FNDC3A: variants seen among roughly 807,000 people sequenced by gnomAD.
The protein encoded by FNDC3A is fibronectin type-III domain-containing protein 3A.
In FNDC3A, 32 loss-of-function variants were observed where a neutral mutation model predicts 148.9. The observed-to-expected ratio is 0.21, with a 90% confidence interval of 0.16 to 0.29. The LOEUF (loss-of-function observed/expected upper bound fraction) is 0.29, where lower values mean the gene tolerates loss of function less well. Ranked by LOEUF, FNDC3A falls within the 10% of genes least tolerant of loss-of-function variation. The pLI, the probability that FNDC3A is intolerant of heterozygous loss-of-function variation, is 1.00. For missense variants in FNDC3A, 1,191 were observed against 1,452.8 expected (o/e 0.82, Z 2.93); for synonymous variants, 472 against 473.6 (o/e 1.00, Z 0.04).
chr13:49,135,576 C>T (rs577055140), intron 5 of FNDC3A, among the ~76,000 whole-genome samples: 2 of 152,088 alleles, frequency 1.3e-5, no homozygotes, highest in Non-Finnish European at 2.9e-5. Context: ...CCTTATAATA[C>T]TCATTTCAAA....
At chr13:49,068,099 C>T (rs1473463862) in intron 2 of FNDC3A, among the ~76,000 whole-genome samples, 6 of 151,680 alleles carry the variant, frequency 4.0e-5, no homozygotes, top group Admixed American at 1.3e-4. Flanking sequence ...TTTGGGAGGC[C>T]GAGCTGGGCG....
intron 1 of FNDC3A, among the ~76,000 whole-genome samples, chr13:48,995,028 A>G (rs1951998479): frequency 6.6e-6 from 1 of 152,184 alleles, no homozygotes; most frequent in African/African-American, 2.4e-5. Flanking sequence ...GAATGAAATC[A>G]TCACTTATTG....
intron 8 of FNDC3A, among the ~76,000 whole-genome samples, chr13:49,166,001 C>G (rs1382992808): frequency 6.6e-6 from 1 of 152,108 alleles, no homozygotes; most frequent in Non-Finnish European, 1.5e-5. Context: ...TGCTCAAACA[C>G]TGGGGGCACA....
At position 48,983,846 on chromosome 13, in the gene FNDC3A, A is replaced by G. The variant is rs545253464; in HGVS notation, c.-40+7669A>G. Among the ~76,000 whole-genome samples the G allele has an allele frequency of 1.3e-4, 20 of 152,366 alleles. No individual in the cohort carries two copies. In the South Asian group the frequency reaches 3.9e-3, roughly 30 times the overall value. Reference sequence around the variant, plus strand: ...TAGATAGGAACACAACATTGGTTCAAAAGTCTTAGGCAATACATTAAGAAC... The same window carrying G: ...TAGATAGGAACACAACATTGGTTCAGAAGTCTTAGGCAATACATTAAGAAC... On this transcript the variant is annotated intron_variant, in intron 1 of 25. Coordinates refer to ENST00000492622, the MANE Select transcript of FNDC3A (RefSeq NM_001079673.2).
At position 49,061,319 on chromosome 13, in the gene FNDC3A, C is replaced by T. The variant is rs569334422; in HGVS notation, c.100-13970C>T. Among the ~76,000 whole-genome samples, 3 of 780 alleles carry T rather than the reference C, an allele frequency of 3.8e-3. No individual in the cohort carries two copies. In the South Asian group the frequency reaches 0.12, roughly 33 times the overall value. 0.5% of individuals were successfully genotyped at this position (780 alleles called of 152,430 possible). A position where few individuals can be genotyped will look rare whatever the true frequency, so the allele number is the denominator to read the frequency against. ...CCATTTTCCATTTTCCCTCTCTTCT[C>T]TTCCCTTCCCTTCCCTTCCCTTCCC... On this transcript the variant is annotated intron_variant, in intron 2 of 25. Transcript: ENST00000492622.
At chr13:48,990,654 C>T (rs567303008) in intron 1 of FNDC3A, among the ~76,000 whole-genome samples, 5 of 151,122 alleles carry the variant, frequency 3.3e-5, no homozygotes, top group South Asian at 2.1e-4. Context: ...CACAGCCGCT[C>T]GGAAGGCTAA....
chr13:49,144,673 A>G (rs1412931509), intron 7 of FNDC3A, among the ~76,000 whole-genome samples: 1 of 152,208 alleles, frequency 6.6e-6, no homozygotes, highest in Admixed American at 6.5e-5. Context: ...CCAGTAGTAT[A>G]AAAATATATA....
At position 49,191,303 on chromosome 13, in the gene FNDC3A, T is replaced by A. The variant is rs1885874968; in HGVS notation, c.2145T>A (p.Gly715=). ...ATGAACCTAGAGAAGTTTACCAAGG[T>A]TCTGAAGTAGAATGTACAGTGAGCA... ...EKDEPREVYQ[G]SEVECTVSSL... The change falls in exon 19 of 26, where the codon GGT becomes GGA. Residue 715 remains glycine (G), a synonymous_variant. Coordinates refer to ENST00000492622, the MANE Select transcript of FNDC3A (RefSeq NM_001079673.2). The A allele has an allele frequency of 6.2e-7, 1 of 1,613,718 alleles. No homozygotes were observed. Among genetic ancestry groups the A allele is most frequent in the South Asian group, 1.1e-5 (1 of 91,006 alleles).
chr13:49,029,136 G>C (rs1425042701), intron 2 of FNDC3A, among the ~76,000 whole-genome samples: 1 of 152,042 alleles, frequency 6.6e-6, no homozygotes, highest in African/African-American at 2.4e-5. Flanking sequence ...ACCATGCCAG[G>C]CTGAAGTTTT....
chr13:49,115,138 G>T (rs1294315685), intron 4 of FNDC3A, among the ~76,000 whole-genome samples: 2 of 149,192 alleles, frequency 1.3e-5, no homozygotes, highest in Non-Finnish European at 3.0e-5. Flanking sequence ...TAATTGCATG[G>T]CATATTGTGT....
At chr13:49,046,844 A>C (rs1020339966) in intron 2 of FNDC3A, 1 of 139,552 alleles carries the variant, frequency 7.2e-6, no homozygotes, top group African/African-American at 2.7e-5. Context: ...CTTTTTAAAA[A>C]GTTAAAAAGT....
intron 2 of FNDC3A, among the ~76,000 whole-genome samples, chr13:49,009,905 G>A (rs928312069): frequency 3.9e-5 from 6 of 152,238 alleles, no homozygotes; most frequent in African/African-American, 1.4e-4. Context: ...CTTCTTGATT[G>A]CATTAATCTC....
At chr13:49,098,777 C>T (rs1223509619) in intron 3 of FNDC3A, among the ~76,000 whole-genome samples, 1 of 152,130 alleles carries the variant, frequency 6.6e-6, no homozygotes, top group Non-Finnish European at 1.5e-5. Context: ...AAATTATCCA[C>T]AATTCTGAAT....
chr13:49,040,635 A>G (rs1874853157), intron 2 of FNDC3A, among the ~76,000 whole-genome samples: 1 of 152,232 alleles, frequency 6.6e-6, no homozygotes, highest in Non-Finnish European at 1.5e-5. Flanking sequence ...ACTTAAGAGT[A>G]TGGTTATTTG....
chr13:49,057,735 C>A (rs1164611075), intron 2 of FNDC3A, among the ~76,000 whole-genome samples: 3 of 151,972 alleles, frequency 2.0e-5, no homozygotes, highest in African/African-American at 7.2e-5. Flanking sequence ...TCAAACTAAG[C>A]ATATATGGTA....
At chr13:49,177,622 G>A (rs973304800) in intron 13 of FNDC3A, among the ~76,000 whole-genome samples, 2 of 152,050 alleles carry the variant, frequency 1.3e-5, no homozygotes, top group South Asian at 2.1e-4. Flanking sequence ...TCAAAAAGTG[G>A]AAGCAACCCA....
chr13:49,061,415 TCCCCTCCCCTCCCCTCCCCTCCCCTTC>T (rs1566222447), intron 2 of FNDC3A, among the ~76,000 whole-genome samples: 1 of 3,970 alleles, frequency 2.5e-4, no homozygotes, highest in Non-Finnish European at 4.7e-4. Flanking sequence ...TCCCCTCCCC[TCCCCTCCCCTCCCCTCCCCTCCCCTTC>T]TCCCCTCCCT....
At chr13:49,196,419 C>T (rs1335363339) in intron 19 of FNDC3A, among the ~76,000 whole-genome samples, 1 of 151,818 alleles carries the variant, frequency 6.6e-6, no homozygotes, top group East Asian at 1.9e-4. Flanking sequence ...AATTCTGTTA[C>T]AAAATAAACA....
intron 7 of FNDC3A, among the ~76,000 whole-genome samples, chr13:49,141,541 C>A (rs1882689445): frequency 6.6e-6 from 1 of 152,054 alleles, no homozygotes; most frequent in Non-Finnish European, 1.5e-5. Flanking sequence ...AAGGATCAAA[C>A]ATTTATGTTT....
Sources: allele counts gnomAD v4.1 joint callset (sites outside exome capture counted in the v4.1 genomes callset), GRCh38; gene constraint gnomAD v4.1.1; transcripts MANE v1.5; gene names NCBI Gene and HGNC (gene_info 2026-07-23, HGNC 2026-07-21).